POLA1: variants seen among roughly 807,000 people sequenced by gnomAD.
The protein encoded by POLA1 is DNA polymerase alpha 1, catalytic subunit, also known as DNA polymerase alpha catalytic subunit.
POLA1 carries 15 observed loss-of-function variants against 124.0 expected under a neutral mutation model. The observed-to-expected ratio is 0.12, with a 90% CI of 0.08 to 0.19. The LOEUF (loss-of-function observed/expected upper bound fraction) is 0.19. Among genes scored for constraint, POLA1 ranks in the 10% least tolerant of loss-of-function variants. The probability of loss-of-function intolerance (pLI) is 1.00; values close to 1 mark genes in which losing one functional copy is unlikely to be tolerated. For missense variants in POLA1, 886 were observed against 1,103.4 expected (o/e 0.80, Z 2.79); for synonymous variants, 408 against 389.4 (o/e 1.05, Z -0.56).
chrX:24,918,626 A>G (rs913715448), intron 35 of POLA1, among the ~76,000 whole-genome samples: 1 of 111,988 alleles, frequency 8.9e-6, no homozygotes, highest in African/African-American at 3.2e-5. Context: ...TTTACTTCAC[A>G]TTACTATTAA....
chrX:24,853,572 C>G (rs1341348501), intron 34 of POLA1, among the ~76,000 whole-genome samples: 1 of 112,057 alleles, frequency 8.9e-6, no homozygotes, highest in Non-Finnish European at 1.9e-5. Flanking sequence ...CCAGTCTCAT[C>G]AGAAAAGTCT....
chrX:24,709,268 C>T (rs1459201410), intron 4 of POLA1, among the ~76,000 whole-genome samples: 43 of 86,061 alleles, frequency 5.0e-4, no homozygotes, highest in African/African-American at 1.9e-3. Flanking sequence ...CCCTCCCGGA[C>T]GGCACGGCTG....
intron 29 of POLA1, among the ~76,000 whole-genome samples, chrX:24,814,009 A>G (rs1329170224): frequency 3.6e-5 from 4 of 111,463 alleles, no homozygotes; most frequent in African/African-American, 1.3e-4. Context: ...TTGAACAATT[A>G]TTGCTTCTGC....
chrX:24,819,570 C>T (rs1415419588), intron 30 of POLA1, among the ~76,000 whole-genome samples: 1 of 111,803 alleles, frequency 8.9e-6, no homozygotes, highest in Non-Finnish European at 1.9e-5. Context: ...TTCAGATGTG[C>T]CTTGTGTGTA....
At chrX:24,757,871 C>T (rs1285965369) in intron 26 of POLA1, among the ~76,000 whole-genome samples, 2 of 111,693 alleles carry the variant, frequency 1.8e-5, no homozygotes, top group African/African-American at 3.3e-5. Context: ...AATTCAAACA[C>T]TCTGGTTCCA....
chrX:24,978,943 C>G (rs890475561), intron 36 of POLA1, among the ~76,000 whole-genome samples: 3 of 111,765 alleles, frequency 2.7e-5, no homozygotes, highest in Admixed American at 1.9e-4. Flanking sequence ...AAAAATTTAA[C>G]TGTTTCCTTC....
intron 36 of POLA1, among the ~76,000 whole-genome samples, chrX:24,985,243 C>T (rs2048468557): frequency 8.9e-6 from 1 of 112,434 alleles, no homozygotes; most frequent in Non-Finnish European, 1.9e-5. Flanking sequence ...GGACCAGTCT[C>T]CTTTGCAGCT....
rs1308162608 is a variant in POLA1 at position 24,777,973 on chromosome X, C to T, written c.2964+28981C>T. Among the ~76,000 whole-genome samples the T allele has an allele frequency of 3.6e-5, 4 of 111,568 alleles. No individual in the cohort carries two copies. The Admixed American group carries it at 3.8e-4, about 11-fold the overall frequency. ...TTATATGGTCTTGTAAATAGTTGTG[C>T]ATATATCCGATGTCAATAAGAATTA... On this transcript the variant is annotated intron_variant, in intron 26 of 36. Coordinates refer to ENST00000379068, the MANE Select transcript of POLA1 (RefSeq NM_001330360.2).
chrX:24,815,497 T>C (rs187043811), intron 30 of POLA1, among the ~76,000 whole-genome samples: 1 of 111,349 alleles, frequency 9.0e-6, no homozygotes, highest in Admixed American at 9.5e-5. Context: ...GTAAGCTTAT[T>C]GTGTGCATGT....
chrX:24,920,998 G>A (rs368232832), intron 35 of POLA1, among the ~76,000 whole-genome samples: 3 of 111,835 alleles, frequency 2.7e-5, no homozygotes, highest in East Asian at 5.6e-4. Context: ...TTCTAGTTTT[G>A]ACTCTACCAG....
chrX:24,973,586 T>A (rs2048329519), intron 36 of POLA1, among the ~76,000 whole-genome samples: 1 of 111,476 alleles, frequency 9.0e-6, no homozygotes, highest in African/African-American at 3.3e-5. Flanking sequence ...CAGGGTTACC[T>A]GAGTATACAG....
At chrX:24,970,326 A>G (rs1458086532) in intron 36 of POLA1, among the ~76,000 whole-genome samples, 1 of 112,547 alleles carries the variant, frequency 8.9e-6, no homozygotes, top group African/African-American at 3.2e-5. Context: ...AAAGACTTAC[A>G]TGTAAAACCC....
intron 26 of POLA1, among the ~76,000 whole-genome samples, chrX:24,750,591 A>G (rs146702795): frequency 1.5e-3 from 168 of 112,457 alleles, no homozygotes; most frequent in African/African-American, 5.3e-3. Context: ...AGGGCAAAAC[A>G]TGTATTGAAC....
At chrX:24,940,315 T>C (rs1601891392) in intron 36 of POLA1, among the ~76,000 whole-genome samples, 1 of 111,778 alleles carries the variant, frequency 8.9e-6, no homozygotes, top group South Asian at 3.8e-4. Flanking sequence ...CCGTTTTTGG[T>C]CTGTAGGAGC....
chrX:24,843,861 TTCTC>T (rs888378439), intron 34 of POLA1, among the ~76,000 whole-genome samples, 184 bp downstream of exon 34: 9 of 112,244 alleles, frequency 8.0e-5, no homozygotes, highest in Middle Eastern at 4.6e-3. Context: ...ATTTGATAAT[TTCTC>T]TCAGGCATTA....
In POLA1 at chrX:24,871,720, C is replaced by T. The variant is rs147719977; in HGVS notation, c.4048-16286C>T. 2.1e-3 allele frequency among the ~76,000 whole-genome samples: 235 copies of T among 110,924 alleles called. 1 individual carries two copies. The highest frequency in any genetic ancestry group is 3.6e-3 in the Non-Finnish European group (192 of 52,914). ...TGAGGCCCTTAAAATTCAGCTCTGC[C>T]CCATTTCAAGTTGTGGTTTTTAGAG... On this transcript the variant is annotated intron_variant, in intron 34 of 36. Coordinates refer to ENST00000379068, the MANE Select transcript of POLA1 (RefSeq NM_001330360.2).
chrX:24,749,044 A>C, intron 26 of POLA1, 52 bp downstream of exon 26: 1 of 997,324 alleles, frequency 1.0e-6, no homozygotes, highest in Non-Finnish European at 1.4e-6. Context: ...ATTTTTAACT[A>C]TACATGTTAT....
At chrX:24,744,186 A>G (rs1931853070) in intron 23 of POLA1, among the ~76,000 whole-genome samples, 1 of 112,945 alleles carries the variant, frequency 8.9e-6, no homozygotes. Context: ...AGTTCTGAGT[A>G]GGAAACATTT....
intron 10 of POLA1, 25 bp downstream of exon 10, chrX:24,717,783 T>G (rs1929946929): frequency 5.0e-6 from 5 of 1,008,915 alleles, no homozygotes; most frequent in Middle Eastern, 5.3e-4. Context: ...GGTAACTATA[T>G]GCCTTTAACT....
Sources: allele counts gnomAD v4.1 joint callset (sites outside exome capture counted in the v4.1 genomes callset), GRCh38; gene constraint gnomAD v4.1.1; transcripts MANE v1.5; gene names NCBI Gene and HGNC (gene_info 2026-07-23, HGNC 2026-07-21).